Variants in HAO1 observed in about 807,000 individuals in gnomAD.
HAO1 encodes 2-Hydroxyacid oxidase 1.
In HAO1, 34 loss-of-function variants were observed where a neutral mutation model predicts 39.7. That is an observed-to-expected ratio of 0.86 (90% CI 0.65 to 1.14). The LOEUF is 1.14. Among genes scored for constraint, HAO1 ranks in the 50% most tolerant of loss-of-function variants. The pLI is 0.00. For synonymous variants in HAO1, 172 were observed against 173.2 expected (o/e 0.99, Z 0.05); for missense variants, 479 against 464.5 (o/e 1.03, Z -0.29).
intron 3 of HAO1, among the ~76,000 whole-genome samples, chr20:7,912,870 G>A (rs1196475806): frequency 6.6e-6 from 1 of 152,172 alleles, no homozygotes; most frequent in African/African-American, 2.4e-5. Context: ...GGTAGTAACA[G>A]GGAGGTAACA....
chr20:7,913,773 T>C (rs1039280997), intron 3 of HAO1, among the ~76,000 whole-genome samples: 8 of 152,208 alleles, frequency 5.3e-5, no homozygotes, highest in African/African-American at 1.9e-4. Context: ...TTATTTTCTT[T>C]CTTCAATCTT....
intron 4 of HAO1, among the ~76,000 whole-genome samples, chr20:7,901,495 A>G (rs980991773): frequency 6.6e-6 from 1 of 152,212 alleles, no homozygotes; most frequent in Admixed American, 6.5e-5. Flanking sequence ...ACGGTTTACT[A>G]AATATGTTAA....
chr20:7,927,468 A>T (rs1186425228), intron 2 of HAO1, among the ~76,000 whole-genome samples: 1 of 152,188 alleles, frequency 6.6e-6, no homozygotes, highest in African/African-American at 2.4e-5. Context: ...AAATATTATA[A>T]GATTTACAAC....
At chr20:7,929,309 G>GA (rs1464636317) in intron 2 of HAO1, among the ~76,000 whole-genome samples, 2 of 152,128 alleles carry the variant, frequency 1.3e-5, no homozygotes, top group Non-Finnish European at 1.5e-5. Flanking sequence ...TTTGGGCTCT[G>GA]AGGGGCAAAT....
chr20:7,929,657 A>C (rs2050377180), intron 2 of HAO1, among the ~76,000 whole-genome samples: 1 of 152,184 alleles, frequency 6.6e-6, no homozygotes, highest in African/African-American at 2.4e-5. Flanking sequence ...TGAGGTCAGG[A>C]GATCAAGACC....
chr20:7,903,157 A>ATT (rs1391905138), intron 4 of HAO1, among the ~76,000 whole-genome samples: 1 of 152,176 alleles, frequency 6.6e-6, no homozygotes, highest in Non-Finnish European at 1.5e-5. Context: ...ACTTGGTGCA[A>ATT]TTGTTGTCAT....
At chr20:7,908,129 C>T (rs1173464635) in intron 3 of HAO1, among the ~76,000 whole-genome samples, 2 of 152,124 alleles carry the variant, frequency 1.3e-5, no homozygotes, top group Admixed American at 1.3e-4. Context: ...ATGGCTCATG[C>T]CTGTAATCCC....
At chr20:7,938,461 T>C (rs567508448) in intron 1 of HAO1, among the ~76,000 whole-genome samples, 20 of 152,282 alleles carry the variant, frequency 1.3e-4, no homozygotes, top group African/African-American at 4.3e-4. Flanking sequence ...ATTTTCATTA[T>C]CTGTGTCCTA....
At chr20:7,915,941 G>T (rs1168393026) in intron 2 of HAO1, among the ~76,000 whole-genome samples, 2 of 151,918 alleles carry the variant, frequency 1.3e-5, no homozygotes, top group Non-Finnish European at 2.9e-5. Flanking sequence ...TTTCAAAATT[G>T]TATTAAATAT....
chr20:7,914,803 A>G (rs1268213410), intron 2 of HAO1, among the ~76,000 whole-genome samples: 2 of 152,218 alleles, frequency 1.3e-5, no homozygotes, highest in Admixed American at 6.5e-5. Flanking sequence ...CATATATAAA[A>G]TGAAATGAAC....
At chr20:7,895,077 C>A in intron 5 of HAO1, 56 bp downstream of exon 5, 1 of 1,055,238 alleles carries the variant, frequency 9.5e-7, no homozygotes, top group Non-Finnish European at 1.5e-6. Context: ...GAGATAGTAA[C>A]ACAGTGATGG....
intron 1 of HAO1, among the ~76,000 whole-genome samples, chr20:7,937,569 C>T (rs1175956741): frequency 2.0e-5 from 3 of 152,154 alleles, no homozygotes; most frequent in East Asian, 1.9e-4. Context: ...CAATAGGTAA[C>T]GCAGCAGAAA....
rs8123185 is a variant in HAO1 at position 7,920,391 on chromosome 20, A to G, written c.290-5972T>C. ...GTTCCTTATAGCAGTGTGAAAGTGG[A>G]CTAATACACCAACTTACCATTTTTT... On this transcript the variant is annotated intron_variant, in intron 2 of 7. Coordinates refer to ENST00000378789, the MANE Select transcript of HAO1 (RefSeq NM_017545.3). Among the ~76,000 whole-genome samples, 574 of 152,248 alleles carry G rather than the reference A, an allele frequency of 3.8e-3. 4 individuals carry two copies. The highest frequency in any genetic ancestry group is 0.014 in the Middle Eastern group (4 of 294).
intron 2 of HAO1, among the ~76,000 whole-genome samples, chr20:7,932,566 A>G (rs1450843608): frequency 6.6e-6 from 1 of 152,226 alleles, no homozygotes; most frequent in African/African-American, 2.4e-5. Flanking sequence ...AAACATTTGT[A>G]AATTGTGATC....
At chr20:7,939,516 T>C (rs1354924853) in intron 1 of HAO1, among the ~76,000 whole-genome samples, 2 of 152,158 alleles carry the variant, frequency 1.3e-5, no homozygotes, top group African/African-American at 4.8e-5. Context: ...CCGATTGCCT[T>C]TACTAACAGC....
At chr20:7,894,747 A>C (rs1390460750) in intron 5 of HAO1, among the ~76,000 whole-genome samples, 1 of 152,138 alleles carries the variant, frequency 6.6e-6, no homozygotes, top group Non-Finnish European at 1.5e-5. Flanking sequence ...CTCAGATTCT[A>C]CCACAGCCTT....
In HAO1 at chr20:7,883,624, C is replaced by T. The variant is rs1221341108; in HGVS notation, c.1082G>A (p.Arg361Lys). 1.1e-5 allele frequency: 17 copies of T among 1,613,182 alleles called. No homozygotes were observed. The highest frequency in any genetic ancestry group is 1.4e-5 in the Non-Finnish European group (17 of 1,179,252). ...CTTGGAAACGGCCAAAGGATTTTTC[C>T]TCACCAATGTCTTGTCGATGACTTT... The part of the protein sequence containing the change: ...NVKVIDKTLV[R>K]KNPLAVSKI The change falls in exon 8 of 8, where the codon AGG becomes AAG. Residue 361 changes from arginine (R) to lysine (K), a missense_variant. Transcript: ENST00000378789.
chr20:7,895,594 C>CAAAA (rs775878126), intron 4 of HAO1, among the ~76,000 whole-genome samples: 1 of 123,814 alleles, frequency 8.1e-6, no homozygotes, highest in African/African-American at 3.2e-5. Context: ...TTTGGATAGC[C>CAAAA]AAAAAAAAAA....
intron 2 of HAO1, among the ~76,000 whole-genome samples, chr20:7,917,145 G>A (rs1264127117): frequency 6.6e-6 from 1 of 152,024 alleles, no homozygotes; most frequent in Non-Finnish European, 1.5e-5. Context: ...TTCAAGACCA[G>A]CCTGATCAAC....
Sources: gnomAD v4.1 joint callset for allele counts (sites outside exome capture counted in the v4.1 genomes callset) on GRCh38, gnomAD v4.1.1 for gene constraint, MANE v1.5 for transcripts, NCBI Gene and HGNC (gene_info 2026-07-23, HGNC 2026-07-21) for gene names.